TACR3: variants seen among roughly 807,000 people sequenced by gnomAD.
The protein encoded by TACR3 is neuromedin-K receptor.
In TACR3, 34 loss-of-function variants were observed where a neutral mutation model predicts 35.0. The ratio of observed to expected loss-of-function variants is 0.97; its 90% CI spans 0.74 to 1.30. The LOEUF (loss-of-function observed/expected upper bound fraction) is 1.30. Among genes scored for constraint, TACR3 ranks in the 50% most tolerant of loss-of-function variants. The pLI is 0.00. For synonymous variants in TACR3, 233 were observed against 221.1 expected (o/e 1.05, Z -0.48); for missense variants, 558 against 591.7 (o/e 0.94, Z 0.59).
intron 1 of TACR3, among the ~76,000 whole-genome samples, chr4:103,697,989 T>A (rs1173667226): frequency 6.6e-6 from 1 of 152,200 alleles, no homozygotes; most frequent in East Asian, 1.9e-4. Context: ...AGGAAAGATA[T>A]TGCATTCTGT....
chr4:103,636,764 C>A (rs979292664), intron 3 of TACR3, among the ~76,000 whole-genome samples: 25 of 152,010 alleles, frequency 1.6e-4, no homozygotes, highest in Admixed American at 3.9e-4. Context: ...ATATCATCAC[C>A]AATCCCACAG....
At chr4:103,693,574 CATTTT>C (rs1219292264) in intron 1 of TACR3, among the ~76,000 whole-genome samples, 2 of 151,882 alleles carry the variant, frequency 1.3e-5, no homozygotes, top group Non-Finnish European at 2.9e-5. Context: ...TCTATGTAAC[CATTTT>C]ATTTTTCTAA....
intron 3 of TACR3, among the ~76,000 whole-genome samples, chr4:103,594,662 T>G (rs1723966724): frequency 6.6e-6 from 1 of 152,158 alleles, no homozygotes; most frequent in South Asian, 2.1e-4. Flanking sequence ...ACTAAGGCTA[T>G]CAGTCCTTTT....
At chr4:103,680,510 C>CAT (rs200048229) in intron 1 of TACR3, among the ~76,000 whole-genome samples, 2 of 127,436 alleles carry the variant, frequency 1.6e-5, no homozygotes, top group African/African-American at 7.2e-5. Flanking sequence ...CACACACACA[C>CAT]ACATATATAT....
chr4:103,594,166 G>A (rs754215044), intron 3 of TACR3, among the ~76,000 whole-genome samples: 2 of 140,924 alleles, frequency 1.4e-5, no homozygotes, highest in Middle Eastern at 3.4e-3. Context: ...AAAAGAGAAT[G>A]AGTCCAAAAA....
intron 1 of TACR3, among the ~76,000 whole-genome samples, chr4:103,718,882 GTCC>G (rs1360294008): frequency 2.0e-5 from 3 of 152,148 alleles, no homozygotes; most frequent in Non-Finnish European, 4.4e-5. Context: ...ACCTTCTTCA[GTCC>G]CTCTAGATAT....
At chr4:103,614,883 TG>T (rs1471768270) in intron 3 of TACR3, among the ~76,000 whole-genome samples, 10 of 131,812 alleles carry the variant, frequency 7.6e-5, no homozygotes, top group African/African-American at 2.8e-4. Flanking sequence ...ATTATGAATG[TG>T]TTTTTTTTTT....
chr4:103,648,282 C>T (rs1475767953), intron 3 of TACR3, among the ~76,000 whole-genome samples: 1 of 151,922 alleles, frequency 6.6e-6, no homozygotes, highest in Non-Finnish European at 1.5e-5. Flanking sequence ...TTTTGCATTA[C>T]AAACAATCTA....
Position 103,589,930 on chromosome 4 carries a change from C to T in TACR3, c.1150G>A (p.Glu384Lys), listed in dbSNP as rs1174837760. ...CPFIKVSSYD[E>K]LELKTTRFHP... ...AACCTGGTGGTCTTGAGCTCTAGCT[C>T]ATCATAGCTGGAAACTTTGATGAAA... Residue 384 changes from glutamate (E) to lysine (K), a missense_variant, in exon 5 of 5, where the codon GAG becomes AAG. By Grantham distance (56) the Glu-to-Lys change is moderately conservative. Coordinates refer to ENST00000304883, the MANE Select transcript of TACR3 (RefSeq NM_001059.3). The T allele has an allele frequency of 6.2e-7, 1 of 1,613,794 alleles. No individual in the cohort carries two copies. The highest frequency in any genetic ancestry group is 8.5e-7 in the Non-Finnish European group (1 of 1,179,886).
At chr4:103,604,281 C>T (rs540336265) in intron 3 of TACR3, among the ~76,000 whole-genome samples, 1 of 152,086 alleles carries the variant, frequency 6.6e-6, no homozygotes, top group African/African-American at 2.4e-5. Context: ...CAAAAACAAT[C>T]AATGGGGAAA....
At chr4:103,593,459 T>C (rs1490994870) in intron 3 of TACR3, 3 of 151,940 alleles carry the variant, frequency 2.0e-5, no homozygotes, top group Admixed American at 2.0e-4. Context: ...GCAGATAAAA[T>C]TTAAAATAAT....
At chr4:103,601,578 C>G (rs1184064698) in intron 3 of TACR3, among the ~76,000 whole-genome samples, 1 of 152,118 alleles carries the variant, frequency 6.6e-6, no homozygotes, top group Non-Finnish European at 1.5e-5. Flanking sequence ...TAGGGCAGGC[C>G]TGGTGGTGAC....
At chr4:103,591,831 A>T (rs991432936) in intron 3 of TACR3, 148 bp from the exon 4 acceptor site, 5 of 805,652 alleles carry the variant, frequency 6.2e-6, no homozygotes, top group Non-Finnish European at 6.0e-6. Context: ...GAAGCAATAT[A>T]CGGACAGTTG....
At chr4:103,648,304 TTAG>T (rs144103300) in intron 3 of TACR3, among the ~76,000 whole-genome samples, 3,133 of 152,154 alleles carry the variant, frequency 0.021, 128 homozygotes, top group African/African-American at 0.071. Flanking sequence ...TTATACTTTT[TTAG>T]TAATTTTAAA....
At chr4:103,692,730 A>G (rs1722433477) in intron 1 of TACR3, among the ~76,000 whole-genome samples, 1 of 152,190 alleles carries the variant, frequency 6.6e-6, no homozygotes. Flanking sequence ...AATAGAAAAT[A>G]CTGTGTCATT....
At chr4:103,708,551 G>T (rs547782906) in intron 1 of TACR3, among the ~76,000 whole-genome samples, 1 of 152,230 alleles carries the variant, frequency 6.6e-6, no homozygotes, top group African/African-American at 2.4e-5. Context: ...CCACAAAGAT[G>T]GGGAAAAAAC....
chr4:103,719,546 G>A lies in TACR3; in HGVS notation c.130C>T (p.Leu44=). 1 of 1,608,216 alleles carries A rather than the reference G, an allele frequency of 6.2e-7. No individual in the cohort carries two copies. Among genetic ancestry groups the A allele is most frequent in the South Asian group, 1.1e-5 (1 of 90,714 alleles). Residue 44 remains leucine, a synonymous_variant, in exon 1 of 5, where the codon CTG becomes TTG. Transcript: ENST00000304883. ...TGAVETGWLQ[L]LDQAGNLSSS... ...GAGAGGTTGCCAGCTTGGTCCAGCA[G>A]TTGCAGCCACCCAGTCTCAACTGCC...
chr4:103,635,341 A>G (rs914049250), intron 3 of TACR3, among the ~76,000 whole-genome samples: 1 of 151,972 alleles, frequency 6.6e-6, no homozygotes, highest in African/African-American at 2.4e-5. Flanking sequence ...GAGAAAGAAT[A>G]TAGCGACTGG....
At chr4:103,592,668 A>C (rs111488471) in intron 3 of TACR3, among the ~76,000 whole-genome samples, 1 of 152,312 alleles carries the variant, frequency 6.6e-6, no homozygotes, top group Non-Finnish European at 1.5e-5. Context: ...AACAATTTTG[A>C]AGCTTACCTG....
Sources: allele counts gnomAD v4.1 joint callset (sites outside exome capture counted in the v4.1 genomes callset), GRCh38; gene constraint gnomAD v4.1.1; transcripts MANE v1.5; gene names NCBI Gene and HGNC (gene_info 2026-07-23, HGNC 2026-07-21).